Variants in CTIF observed in about 807,000 individuals in gnomAD.
The protein encoded by CTIF is cap binding complex dependent translation initiation factor.
Under a neutral mutation model 66.0 loss-of-function variants are expected in CTIF, and 21 were observed. That is an observed-to-expected ratio of 0.32 (90% CI 0.23 to 0.46). The LOEUF (loss-of-function observed/expected upper bound fraction) is 0.46. CTIF is among the 20% of genes least tolerant of loss of function. CTIF has a pLI of 1.00. For synonymous variants in CTIF, 345 were observed against 326.4 expected, an observed-to-expected ratio of 1.06 and a Z score of -0.62; for missense variants, 739 against 812.7, an observed-to-expected ratio of 0.91 and a Z score of 1.10.
At chr18:48,733,064 T>A (rs2092469896) in intron 7 of CTIF, among the ~76,000 whole-genome samples, 1 of 152,186 alleles carries the variant, frequency 6.6e-6, no homozygotes, top group African/African-American at 2.4e-5. Flanking sequence ...CCTGGTTGCC[T>A]GGACTTTCAT....
At chr18:48,708,765 T>G (rs1371604613) in intron 6 of CTIF, among the ~76,000 whole-genome samples, 1 of 152,122 alleles carries the variant, frequency 6.6e-6, no homozygotes, top group African/African-American at 2.4e-5. Flanking sequence ...TTCTCCATCC[T>G]CCCCCAGCAC....
chr18:48,777,518 C>T (rs1275680515), intron 9 of CTIF, among the ~76,000 whole-genome samples: 1 of 152,176 alleles, frequency 6.6e-6, no homozygotes, highest in Non-Finnish European at 1.5e-5. Flanking sequence ...CCATTTTATA[C>T]CCAAGACAAC....
chr18:48,829,803 G>A (rs2068653290), intron 10 of CTIF, among the ~76,000 whole-genome samples: 2 of 152,212 alleles, frequency 1.3e-5, no homozygotes, highest in South Asian at 2.1e-4. Context: ...TTCTCCAACC[G>A]ACTCCAGCTC....
At chr18:48,730,374 G>C (rs548551108) in intron 7 of CTIF, among the ~76,000 whole-genome samples, 2 of 146,978 alleles carry the variant, frequency 1.4e-5, no homozygotes, top group South Asian at 2.2e-4. Flanking sequence ...GGCCCCTGCG[G>C]TGTGAGGGGC....
intron 7 of CTIF, among the ~76,000 whole-genome samples, chr18:48,721,801 T>C (rs2092340169): frequency 6.6e-6 from 1 of 151,726 alleles, no homozygotes; most frequent in African/African-American, 2.4e-5. Flanking sequence ...AAAAGAACAC[T>C]GGACCAGAAG....
intron 7 of CTIF, among the ~76,000 whole-genome samples, chr18:48,714,668 T>G (rs1212878742): frequency 1.3e-5 from 2 of 152,254 alleles, no homozygotes; most frequent in African/African-American, 4.8e-5. Context: ...TTTGTGTGCC[T>G]TACTGCTTTT....
chr18:48,789,703 A>C (rs1416341902), intron 9 of CTIF, among the ~76,000 whole-genome samples: 1 of 152,248 alleles, frequency 6.6e-6, no homozygotes, highest in Non-Finnish European at 1.5e-5. Flanking sequence ...AGAAATTGGC[A>C]AGCTGATTCT....
Position 48,830,734 on chromosome 18 carries a change from C to T in CTIF, c.1527+13358C>T, listed in dbSNP as rs1443062063. 2.0e-3 allele frequency among the ~76,000 whole-genome samples: 4 copies of T among 2,016 alleles called. No individual in the cohort carries two copies. In the South Asian group the frequency reaches 0.083, roughly 42 times the overall value. The allele number at this position is 2,016 out of a possible 152,430, so 1.3% of individuals were successfully genotyped here. On this transcript the variant is annotated intron_variant, in intron 10 of 11. Transcript: ENST00000256413. Reference sequence around the variant, plus strand: ...CTGCTCAGAAGTCAGTTTCTCAGACCCCCCCCCGACCACGCCCCAGCCTGT... The same window carrying T: ...CTGCTCAGAAGTCAGTTTCTCAGACTCCCCCCCGACCACGCCCCAGCCTGT...
chr18:48,858,415 G>A (rs2069378748), intron 11 of CTIF, among the ~76,000 whole-genome samples: 1 of 152,248 alleles, frequency 6.6e-6, no homozygotes, highest in Non-Finnish European at 1.5e-5. Context: ...TTAGGGAGAA[G>A]GAGAAAGCCT....
chr18:48,686,596 G>A (rs916871171), intron 6 of CTIF, among the ~76,000 whole-genome samples: 2 of 152,154 alleles, frequency 1.3e-5, no homozygotes, highest in Admixed American at 1.3e-4. Flanking sequence ...CACAGCTTCT[G>A]TTATTCTGCT....
chr18:48,776,362 G>A (rs1346196057), intron 9 of CTIF, among the ~76,000 whole-genome samples: 1 of 124,626 alleles, frequency 8.0e-6, no homozygotes, highest in Non-Finnish European at 1.7e-5. Flanking sequence ...TGTGGGGGAG[G>A]GGGAGCATGA....
intron 1 of CTIF, among the ~76,000 whole-genome samples, chr18:48,545,889 G>T (rs894851524): frequency 6.6e-6 from 1 of 152,210 alleles, no homozygotes; most frequent in Non-Finnish European, 1.5e-5. Flanking sequence ...GGCCGCTGTC[G>T]TCAGGGAAGC....
At position 48,581,104 on chromosome 18, in the gene CTIF, T is replaced by TAATA. The variant is rs1417536925; in HGVS notation, c.-28-38433_-28-38430dup. Among the ~76,000 whole-genome samples, 5 of 152,392 alleles carry TAATA rather than the reference T, an allele frequency of 3.3e-5. No individual in the cohort carries two copies. The East Asian group carries it at 9.6e-4, about 29-fold the overall frequency. ...CAGCGTCATTCCAGCATCAGCTCTC[T>TAATA]AATATCCCTTTTTATAGATTTTCCA... On this transcript the variant is annotated intron_variant, in intron 1 of 11. Transcript: ENST00000256413.
At chr18:48,691,602 C>G (rs2091926346) in intron 6 of CTIF, among the ~76,000 whole-genome samples, 1 of 152,214 alleles carries the variant, frequency 6.6e-6, no homozygotes, top group South Asian at 2.1e-4. Context: ...TAGCTGGGAA[C>G]AGGTGCTCAT....
intron 1 of CTIF, chr18:48,565,344 G>A (rs987219635): frequency 9.9e-5 from 15 of 152,146 alleles, no homozygotes; most frequent in African/African-American, 2.2e-4. Context: ...CTGAGAAATC[G>A]CTGGTGTGCT....
At chr18:48,668,935 C>G (rs1375652735) in intron 5 of CTIF, among the ~76,000 whole-genome samples, 2 of 152,040 alleles carry the variant, frequency 1.3e-5, no homozygotes, top group African/African-American at 4.8e-5. Flanking sequence ...GAGCCGGGCA[C>G]AGAAGTGTTT....
intron 1 of CTIF, among the ~76,000 whole-genome samples, chr18:48,557,054 A>G (rs1018700765): frequency 4.6e-5 from 7 of 152,036 alleles, no homozygotes; most frequent in African/African-American, 1.7e-4. Context: ...TTATGATCAT[A>G]GGCAAATACA....
chr18:48,846,670 G>A (rs2069084270), intron 10 of CTIF, among the ~76,000 whole-genome samples: 1 of 151,986 alleles, frequency 6.6e-6, no homozygotes, highest in Admixed American at 6.6e-5. Flanking sequence ...TGGATGGATG[G>A]ATGGATGAAT....
chr18:48,660,315 C>T (rs2091321635), intron 3 of CTIF, among the ~76,000 whole-genome samples: 1 of 152,056 alleles, frequency 6.6e-6, no homozygotes, highest in South Asian at 2.1e-4. Flanking sequence ...CACCGTGACT[C>T]CACCACCTGC....
Sources: gnomAD v4.1 joint callset for allele counts (sites outside exome capture counted in the v4.1 genomes callset) on GRCh38, gnomAD v4.1.1 for gene constraint, MANE v1.5 for transcripts, NCBI Gene and HGNC (gene_info 2026-07-23, HGNC 2026-07-21) for gene names.